Variants in EML6 observed in about 807,000 individuals in gnomAD.
EML6 encodes echinoderm microtubule-associated protein-like 6.
EML6 carries 154 observed loss-of-function variants against 240.1 expected under a neutral mutation model. The ratio of observed to expected loss-of-function variants is 0.64; its 90% confidence interval spans 0.56 to 0.73. EML6 has a LOEUF of 0.73. EML6 is among the 30% of genes least tolerant of loss of function. EML6 has a pLI of 0.00. For missense variants in EML6, 2,964 were observed against 2,474.6 expected (o/e 1.20, Z -4.20); for synonymous variants, 1,148 against 899.0 (o/e 1.28, Z -4.95).
chr2:54,873,215 G>A (rs1024137492), intron 16 of EML6, among the ~76,000 whole-genome samples: 1 of 152,122 alleles, frequency 6.6e-6, no homozygotes, highest in Non-Finnish European at 1.5e-5. Context: ...TTTCTAACAG[G>A]CATGTTCTCA....
At chr2:54,824,142 G>T (rs1391775877) in intron 5 of EML6, among the ~76,000 whole-genome samples, 2 of 152,050 alleles carry the variant, frequency 1.3e-5, no homozygotes, top group Non-Finnish European at 1.5e-5. Context: ...TTAATTGATA[G>T]AATTCTCCTG....
Position 54,892,636 on chromosome 2 carries a change from G to A in EML6, c.2722G>A (p.Ala908Thr). Reference protein sequence around the residue: ...TVKAHDGPVFAMYALDKGFVT... With the variant: ...TVKAHDGPVFTMYALDKGFVT... ...GAAAGCTCATGATGGGCCTGTGTTT[G>A]CTATGTATGCACTGGATAAGGTATG... Residue 908 changes from alanine to threonine, a missense_variant, in exon 19 of 42, where the codon GCT becomes ACT. Coordinates refer to ENST00000356458, the MANE Select transcript of EML6 (RefSeq NM_001039753.4). The A allele has an allele frequency of 6.4e-7, 1 of 1,551,560 alleles. No individual in the cohort carries two copies. Among genetic ancestry groups the A allele is most frequent in the Non-Finnish European group, 8.7e-7 (1 of 1,146,740 alleles).
intron 28 of EML6, among the ~76,000 whole-genome samples, chr2:54,940,667 A>G (rs1467211929): frequency 6.6e-6 from 1 of 152,222 alleles, no homozygotes; most frequent in Admixed American, 6.5e-5. Context: ...GTGCAAGTCC[A>G]TTCTTGGTCA....
At chr2:54,744,159 A>G in intron 2 of EML6, among the ~76,000 whole-genome samples, 1 of 152,072 alleles carries the variant, frequency 6.6e-6, no homozygotes. Context: ...AGAAAATAAT[A>G]ATGTAGCACA....
chr2:54,964,665 G>T lies in EML6; in HGVS notation c.5425G>T (p.Gly1809Cys). 6.4e-7 allele frequency: 1 copy of T among 1,552,290 alleles called. No homozygotes were observed. The highest frequency in any genetic ancestry group is 8.7e-7 in the Non-Finnish European group (1 of 1,147,094). The part of the protein sequence containing the change: ...LTQGTNLNRI[G>C]YCKDIPSFVI... Reference sequence around the variant, plus strand: ...TCAGGGCACAAATCTGAACCGCATTGGCTACTGCAAAGATATCCCAAGCTT... The same window carrying T: ...TCAGGGCACAAATCTGAACCGCATTTGCTACTGCAAAGATATCCCAAGCTT... The change falls in exon 38 of 42, where the codon GGC becomes TGC. Residue 1809 changes from glycine (G) to cysteine (C), a missense_variant. Coordinates refer to ENST00000356458, the MANE Select transcript of EML6 (RefSeq NM_001039753.4).
chr2:54,870,368 C>T (rs1048217311), intron 15 of EML6, among the ~76,000 whole-genome samples: 2 of 149,510 alleles, frequency 1.3e-5, no homozygotes, highest in African/African-American at 2.4e-5. Flanking sequence ...AAGGGCTGAC[C>T]ATTGGTTTAT....
In EML6 at chr2:54,813,278, G is replaced by A. The variant is rs955558333; in HGVS notation, c.244G>A (p.Gly82Arg). Residue 82 changes from glycine (G) to arginine (R), a missense_variant, in exon 3 of 42, where the codon GGG becomes AGG. Coordinates refer to ENST00000356458, the MANE Select transcript of EML6 (RefSeq NM_001039753.4). ...DKTLVATGQVGKEPYICIWDS... is the reference protein window; with the variant it reads ...DKTLVATGQVRKEPYICIWDS... ...AACTCTCGTTGCAACTGGCCAAGTC[G>A]GGAAGGAGCCATATATATGCATATG... The A allele has an allele frequency of 3.9e-6, 6 of 1,550,734 alleles. No homozygotes were observed. Among genetic ancestry groups the A allele is most frequent in the East Asian group, 2.4e-5 (1 of 40,926 alleles).
intron 9 of EML6, among the ~76,000 whole-genome samples, chr2:54,849,181 A>C (rs1021195307): frequency 7.9e-5 from 12 of 152,240 alleles, no homozygotes; most frequent in African/African-American, 2.2e-4. Context: ...TTCAGGGTAC[A>C]TGTAATTGAA....
At chr2:54,943,729 A>G (rs1675545715) in intron 28 of EML6, among the ~76,000 whole-genome samples, 1 of 152,244 alleles carries the variant, frequency 6.6e-6, no homozygotes, top group South Asian at 2.1e-4. Flanking sequence ...GCACATTAAA[A>G]AAGTTGAGAT....
rs1672678715 is a variant in EML6 at position 54,894,892 on chromosome 2, A to G, written c.2743-23A>G. ...TTGGTCATTTTGATGTGTATATAAT[A>G]CCTCTCATGTGTGCCTTCACAGGGC... On this transcript the variant is annotated intron_variant, in intron 19 of 41. Transcript: ENST00000356458. 3.3e-6 allele frequency: 5 copies of G among 1,504,696 alleles called. No individual in the cohort carries two copies. In the East Asian group the frequency reaches 9.8e-5, roughly 30 times the overall value. 93.2% of individuals were successfully genotyped at this position (1,504,696 alleles called of 1,614,324 possible). A position where few individuals can be genotyped will look rare whatever the true frequency, so the allele number is the denominator to read the frequency against.
intron 2 of EML6, among the ~76,000 whole-genome samples, chr2:54,773,909 T>C (rs1668495502): frequency 6.6e-6 from 1 of 152,226 alleles, no homozygotes; most frequent in Non-Finnish European, 1.5e-5. Context: ...CTGTTTCTGC[T>C]ACATACCATC....
intron 2 of EML6, among the ~76,000 whole-genome samples, chr2:54,736,397 GC>G (rs1683392624): frequency 6.6e-6 from 1 of 152,154 alleles, no homozygotes; most frequent in South Asian, 2.1e-4. Flanking sequence ...CACTGCATGG[GC>G]TCTGTCTCTA....
In EML6 at chr2:54,908,624, A is replaced by G. The variant is rs369337796; in HGVS notation, c.3410-2330A>G. 3.3e-5 allele frequency among the ~76,000 whole-genome samples: 5 copies of G among 152,284 alleles called. No homozygotes were observed. The East Asian group carries it at 9.6e-4, about 29-fold the overall frequency. On this transcript the variant is annotated intron_variant, in intron 24 of 41. Coordinates refer to ENST00000356458, the MANE Select transcript of EML6 (RefSeq NM_001039753.4). ...CCACTCTTAGGCAGCTAGTTTCAGCATCCACTGCTCTTCTGGGTCTTATCT... is the reference window on the plus strand; with the variant it reads ...CCACTCTTAGGCAGCTAGTTTCAGCGTCCACTGCTCTTCTGGGTCTTATCT...
intron 5 of EML6, among the ~76,000 whole-genome samples, chr2:54,826,291 AG>A (rs796975416): frequency 1.3e-5 from 2 of 152,056 alleles, no homozygotes; most frequent in African/African-American, 2.4e-5. Context: ...TTATAACCTG[AG>A]GGGGGGCTAT....
chr2:54,921,217 AC>A (rs35698276), intron 26 of EML6, among the ~76,000 whole-genome samples: 1 of 151,726 alleles, frequency 6.6e-6, no homozygotes. Context: ...AACCCTAAAG[AC>A]CCCCCCAAAA....
chr2:54,815,979 A>G (rs1443554154), intron 3 of EML6, among the ~76,000 whole-genome samples: 1 of 152,206 alleles, frequency 6.6e-6, no homozygotes, highest in Non-Finnish European at 1.5e-5. Flanking sequence ...TATTTTTTAT[A>G]CCCATTGTAC....
chr2:54,905,013 T>C lies in EML6; in HGVS notation c.3409+1511T>C, dbSNP rs534623475. On this transcript the variant is annotated intron_variant, in intron 24 of 41. Coordinates refer to ENST00000356458, the MANE Select transcript of EML6 (RefSeq NM_001039753.4). ...TGCAGTAGATAGAGAAAAAAGCATG[T>C]GATGCATTGCATTTATAAAAGGTAC... Among the ~76,000 whole-genome samples the C allele has an allele frequency of 7.7e-4, 117 of 152,250 alleles. 2 individuals carry two copies. The highest frequency in any genetic ancestry group is 2.8e-3 in the African/African-American group (115 of 41,550).
At chr2:54,934,064 C>A (rs951689444) in intron 28 of EML6, among the ~76,000 whole-genome samples, 1 of 152,144 alleles carries the variant, frequency 6.6e-6, no homozygotes, top group Admixed American at 6.5e-5. Flanking sequence ...TTCTGCTGGA[C>A]TGAACAATCA....
In EML6 at chr2:54,959,040, G is replaced by A. The variant is rs191728599; in HGVS notation, c.4696-64G>A. ...AGCTCTGGTTCCTTAATGAGAGAAC[G>A]GGTGGCTGGGGAGGGACCCGCTTGA... On this transcript the variant is annotated intron_variant, in intron 33 of 41. Coordinates refer to ENST00000356458, the MANE Select transcript of EML6 (RefSeq NM_001039753.4). 105 of 1,440,718 alleles carry A rather than the reference G, an allele frequency of 7.3e-5. No individual in the cohort carries two copies. The East Asian group carries it at 1.7e-3, about 23-fold the overall frequency. The allele number at this position is 1,440,718 out of a possible 1,614,324, so 89.2% of individuals were successfully genotyped here. A position where few individuals can be genotyped will look rare whatever the true frequency, so the allele number is the denominator to read the frequency against.
Sources: allele counts gnomAD v4.1 joint callset (sites outside exome capture counted in the v4.1 genomes callset), GRCh38; gene constraint gnomAD v4.1.1; transcripts MANE v1.5; gene names NCBI Gene and HGNC (gene_info 2026-07-23, HGNC 2026-07-21).